The following PSIP1 variants were observed in gnomAD, a reference collection of about 807,000 sequenced individuals.
The protein encoded by PSIP1 is PC4 and SFRS1-interacting protein.
A neutral mutation model predicts 74.7 loss-of-function variants in PSIP1; 19 were observed. The ratio of observed to expected loss-of-function variants is 0.25; its 90% CI spans 0.18 to 0.37. The LOEUF is 0.37. Among genes scored for constraint, PSIP1 ranks in the 10% least tolerant of loss-of-function variants. The pLI is 1.00. For missense variants in PSIP1, 601 were observed against 614.3 expected (o/e 0.98, Z 0.23); for synonymous variants, 222 against 195.3 (o/e 1.14, Z -1.14).
In PSIP1 at chr9:15,473,937, A is replaced by C. The variant is rs545308827; in HGVS notation, c.858+72T>G. 8.5e-5 allele frequency: 83 copies of C among 976,470 alleles called. No individual in the cohort carries two copies. The East Asian group carries it at 1.7e-3, about 20-fold the overall frequency. 60.5% of individuals were successfully genotyped at this position (976,470 alleles called of 1,614,324 possible). On this transcript the variant is annotated intron_variant, in intron 9 of 15. Transcript: ENST00000380733. ...AAACAAAAAAAAAAACAAAAAAAAA[A>C]CAAAGAAAAAACAAAAAATATATAT...
At chr9:15,500,575 C>T (rs976071260) in intron 3 of PSIP1, among the ~76,000 whole-genome samples, 3 of 152,116 alleles carry the variant, frequency 2.0e-5, no homozygotes, top group African/African-American at 7.2e-5. Flanking sequence ...GAAACTTGTA[C>T]AGAAGAACTA....
intron 8 of PSIP1, 139 bp downstream of exon 8, chr9:15,478,338 T>C (rs2036185915): frequency 2.8e-6 from 2 of 725,636 alleles, no homozygotes; most frequent in Non-Finnish European, 4.4e-6. Flanking sequence ...ATTTTCCCAG[T>C]TTTTCCTGTA....
rs12004962 is a variant in PSIP1, at chr9:15,469,472, A to G, written c.1034-136T>C. ...AATCTTTACTAAGAAGCTCAAAGAT[A>G]TGCACAATAGCTTAACTAAGAATAA... On this transcript the variant is annotated intron_variant, in intron 11 of 15. Coordinates refer to ENST00000380733, the MANE Select transcript of PSIP1 (RefSeq NM_033222.5). The G allele has an allele frequency of 4.5e-3, 2,593 of 575,880 alleles. 49 individuals carry two copies. The highest frequency in any genetic ancestry group is 0.045 in the African/African-American group (2,350 of 52,292). 35.7% of individuals were successfully genotyped at this position (575,880 alleles called of 1,614,324 possible). A position where few individuals can be genotyped will look rare whatever the true frequency, so the allele number is the denominator to read the frequency against.
At position 15,493,500 on chromosome 9, in the gene PSIP1, G is replaced by A. The variant is rs183104810; in HGVS notation, c.150-3376C>T. On this transcript the variant is annotated intron_variant, in intron 3 of 15. Coordinates refer to ENST00000380733, the MANE Select transcript of PSIP1 (RefSeq NM_033222.5). ...TACCCAGTTCCAAAGTCGCTTCCAC[G>A]TTTTCAGGTATCTTTACAGCATCAC... Among the ~76,000 whole-genome samples, 10 of 152,246 alleles carry A rather than the reference G, an allele frequency of 6.6e-5. No individual in the cohort carries two copies. In the South Asian group the frequency reaches 8.3e-4, roughly 13 times the overall value.
chr9:15,483,353 C>T (rs2036419217), intron 6 of PSIP1, among the ~76,000 whole-genome samples: 1 of 151,876 alleles, frequency 6.6e-6, no homozygotes, highest in African/African-American at 2.4e-5. Context: ...AGTTCCCTCC[C>T]CCGCCCCCTT....
intron 3 of PSIP1, among the ~76,000 whole-genome samples, chr9:15,492,833 C>T (rs2036898159): frequency 6.6e-6 from 1 of 152,242 alleles, no homozygotes; most frequent in African/African-American, 2.4e-5. Context: ...TTGGGGCTTG[C>T]ACCCTCTGAA....
intron 3 of PSIP1, among the ~76,000 whole-genome samples, chr9:15,492,899 C>G (rs956373379): frequency 1.3e-5 from 2 of 152,228 alleles, no homozygotes; most frequent in African/African-American, 2.4e-5. Context: ...GCAGCTGGGA[C>G]ACAGGGCACC....
At chr9:15,509,656 T>A (rs2777948) in intron 2 of PSIP1, among the ~76,000 whole-genome samples, 1 of 152,218 alleles carries the variant, frequency 6.6e-6, no homozygotes, top group Non-Finnish European at 1.5e-5. Flanking sequence ...AAGTACAAGG[T>A]ATTTTTTTTA....
rs746079405 is a variant in PSIP1, at chr9:15,468,882, A to C, written c.1207-39T>G. The C allele has an allele frequency of 1.7e-5, 28 of 1,605,024 alleles. No individual in the cohort carries two copies. The East Asian group carries it at 5.8e-4, about 33-fold the overall frequency. On this transcript the variant is annotated intron_variant, in intron 13 of 15. Transcript: ENST00000380733. ...ATACATTCATCATAATTGTTTTCCT[A>C]ATTGATTTTTTAAACAATTTTTAAA...
chr9:15,493,664 T>TA (rs1467779120), intron 3 of PSIP1, among the ~76,000 whole-genome samples: 8 of 152,162 alleles, frequency 5.3e-5, no homozygotes, highest in African/African-American at 1.9e-4. Flanking sequence ...TCAGGAAACT[T>TA]ACAATCACGG....
chr9:15,476,995 G>T (rs1587475022), intron 8 of PSIP1, among the ~76,000 whole-genome samples: 1 of 152,246 alleles, frequency 6.6e-6, no homozygotes, highest in Non-Finnish European at 1.5e-5. Flanking sequence ...TCAGCCAAAA[G>T]CCAAGAAGAC....
Position 15,470,934 on chromosome 9 carries a change from T to TTA in PSIP1, c.978-942_978-941insTA, listed in dbSNP as rs1165107245. On this transcript the variant is annotated intron_variant, in intron 10 of 15. Transcript: ENST00000380733. ...CACAAAGCTTCATTTTAAGCTTGGT[T>TTA]AAAAAAAAAAAAAAAAAAAAAAAAC... 19 of 937,482 alleles carry TTA rather than the reference T, an allele frequency of 2.0e-5. No homozygotes were observed. In the East Asian group the frequency reaches 7.7e-4, roughly 38 times the overall value. The allele number at this position is 937,482 out of a possible 1,614,324, so 58.1% of individuals were successfully genotyped here.
chr9:15,471,285 G>C, intron 10 of PSIP1: 1 of 1,574,718 alleles, frequency 6.4e-7, no homozygotes, highest in Non-Finnish European at 8.7e-7. Context: ...CACACAAGCT[G>C]CATCTGAAAT....
intron 9 of PSIP1, 27 bp from the exon 10 acceptor site, chr9:15,472,777 T>C (rs1312405781): frequency 6.3e-7 from 1 of 1,581,452 alleles, no homozygotes; most frequent in Non-Finnish European, 8.6e-7. Flanking sequence ...GATGGTTTTA[T>C]TTAACTATAA....
intron 8 of PSIP1, among the ~76,000 whole-genome samples, chr9:15,477,932 G>A (rs1448761940): frequency 1.3e-5 from 2 of 151,708 alleles, no homozygotes; most frequent in African/African-American, 4.8e-5. Context: ...GAGCCCAGGA[G>A]TTTGAGACCA....
rs913695857 is a variant in PSIP1 at position 15,510,261 on chromosome 9, G to A, written c.-73C>T. 2 of 1,408,884 alleles carry A rather than the reference G, an allele frequency of 1.4e-6. No individual in the cohort carries two copies. Among genetic ancestry groups the A allele is most frequent in the Non-Finnish European group, 2.0e-6 (2 of 1,025,620 alleles). The allele number at this position is 1,408,884 out of a possible 1,614,324, so 87.3% of individuals were successfully genotyped here. On this transcript the variant is annotated 5_prime_UTR_variant, in exon 2 of 16. Transcript: ENST00000380733. ...GATGCGGCGGCGCGGGGATGCGGGC[G>A]GCGGACGCGGGCCCAGCTACCGGGC...
At chr9:15,494,457 T>C (rs1247978444) in intron 3 of PSIP1, among the ~76,000 whole-genome samples, 4 of 149,676 alleles carry the variant, frequency 2.7e-5, no homozygotes, top group Admixed American at 1.3e-4. Context: ...CCCAGCTACT[T>C]GGGAGGCTGA....
intron 6 of PSIP1, among the ~76,000 whole-genome samples, chr9:15,480,479 T>C (rs1179230797): frequency 6.6e-6 from 1 of 152,262 alleles, no homozygotes; most frequent in East Asian, 1.9e-4. Flanking sequence ...TTTTCATCAA[T>C]GATTTGTAAA....
At chr9:15,471,316 CCAAGTA>C in intron 10 of PSIP1, 11 of 1,564,546 alleles carry the variant, frequency 7.0e-6, no homozygotes, top group Non-Finnish European at 9.7e-6. Flanking sequence ...GCAAAACTGT[CCAAGTA>C]CAAAGTTTTG....
Sources: allele counts gnomAD v4.1 joint callset (sites outside exome capture counted in the v4.1 genomes callset), GRCh38; gene constraint gnomAD v4.1.1; transcripts MANE v1.5; gene names NCBI Gene and HGNC (gene_info 2026-07-23, HGNC 2026-07-21).